The following SAMD12 variants were observed in gnomAD, a reference collection of about 807,000 sequenced individuals.
SAMD12 encodes the protein sterile alpha motif domain containing 12.
A neutral mutation model predicts 15.0 loss-of-function variants in SAMD12; 9 were observed. The ratio of observed to expected loss-of-function variants is 0.60; its 90% CI spans 0.36 to 1.05. The LOEUF is 1.05. SAMD12 is among the 50% of genes least tolerant of loss of function. The pLI is 0.01. For synonymous variants in SAMD12, 86 were observed against 90.1 expected, an observed-to-expected ratio of 0.96 and a Z score of 0.25; for missense variants, 230 against 234.2, an observed-to-expected ratio of 0.98 and a Z score of 0.12.
intron 4 of SAMD12, among the ~76,000 whole-genome samples, chr8:118,323,142 T>A (rs1364006312): frequency 6.6e-6 from 1 of 152,190 alleles, no homozygotes; most frequent in Non-Finnish European, 1.5e-5. Context: ...GAGTCCTAAA[T>A]GTGGAACAGA....
chr8:118,536,453 C>A (rs867316044), intron 2 of SAMD12, among the ~76,000 whole-genome samples: 2,240 of 150,986 alleles, frequency 0.015, 72 homozygotes, highest in African/African-American at 0.048. Flanking sequence ...AACACACACA[C>A]ACACACACAC....
At position 118,379,294 on chromosome 8, in the gene SAMD12, T is replaced by A. The variant is rs546584960; in HGVS notation, c.*123A>T. The A allele has an allele frequency of 5.5e-6, 8 of 1,458,244 alleles. No individual in the cohort carries two copies. In the African/African-American group the frequency reaches 9.9e-5, roughly 18 times the overall value. The allele number at this position is 1,458,244 out of a possible 1,614,324, so 90.3% of individuals were successfully genotyped here. Reference sequence around the variant, plus strand: ...TTCTCTGGGGTTGTGCAGTACACAATCCATACAACTGTACGTGACCACCTT... The same window carrying A: ...TTCTCTGGGGTTGTGCAGTACACAAACCATACAACTGTACGTGACCACCTT... On this transcript the variant is annotated 3_prime_UTR_variant, in exon 4 of 4. Coordinates refer to ENST00000314727, the MANE Select transcript of SAMD12 (RefSeq NM_207506.3).
At chr8:118,131,928 T>G in the SAMD12 span, among the ~76,000 whole-genome samples, 1 of 152,198 alleles carries the variant, frequency 6.6e-6, no homozygotes. Flanking sequence ...CATAGTACTG[T>G]AGAAAGTTCA....
chr8:118,269,220 C>CTG (rs71515963), intron 4 of SAMD12, among the ~76,000 whole-genome samples: 2,803 of 122,952 alleles, frequency 0.023, 47 homozygotes, highest in Middle Eastern at 0.048. Flanking sequence ...CTCTCTCTCT[C>CTG]TGTGTGTGTG....
intron 4 of SAMD12, among the ~76,000 whole-genome samples, chr8:118,272,329 C>T (rs1423269375): frequency 6.6e-6 from 1 of 152,214 alleles, no homozygotes; most frequent in Non-Finnish European, 1.5e-5. Flanking sequence ...GGTATCAAGT[C>T]TTGAGACAGC....
chr8:118,222,977 C>T (rs1812114506), intron 4 of SAMD12, among the ~76,000 whole-genome samples: 1 of 152,248 alleles, frequency 6.6e-6, no homozygotes, highest in South Asian at 2.1e-4. Context: ...TAAGTCTCCA[C>T]TTTGGGCCAG....
chr8:118,509,554 G>C (rs776332375), intron 2 of SAMD12, among the ~76,000 whole-genome samples: 3 of 152,156 alleles, frequency 2.0e-5, no homozygotes, highest in Non-Finnish European at 4.4e-5. Flanking sequence ...TTCTACTTCT[G>C]AAGTGTAGAT....
chr8:118,316,369 C>CAAAAAAAAAAAAAAAAAAAAAA (rs71307444), intron 4 of SAMD12, among the ~76,000 whole-genome samples: 1 of 114,148 alleles, frequency 8.8e-6, no homozygotes, highest in Admixed American at 9.3e-5. Flanking sequence ...CCCATGTCTA[C>CAAAAAAAAAAAAAAAAAAAAAA]AAAAAAAAAA....
chr8:118,501,998 C>CAACA (rs1824797428), intron 2 of SAMD12, among the ~76,000 whole-genome samples: 4 of 121,072 alleles, frequency 3.3e-5, no homozygotes, highest in East Asian at 2.4e-4. Flanking sequence ...CAAGCCTGGG[C>CAACA]AACAGAGCGA....
At chr8:118,133,883 C>A in the SAMD12 span, among the ~76,000 whole-genome samples, 4 of 152,284 alleles carry the variant, frequency 2.6e-5, no homozygotes, top group African/African-American at 9.6e-5. Flanking sequence ...TAGTCCCTCT[C>A]CTCTCCAAAT....
At chr8:118,234,029 A>C (rs1812374183) in intron 4 of SAMD12, among the ~76,000 whole-genome samples, 1 of 152,132 alleles carries the variant, frequency 6.6e-6, no homozygotes, top group Admixed American at 6.6e-5. Context: ...TCACTTTGGG[A>C]GTAATGTTAA....
At chr8:118,478,590 A>G (rs1824032136) in intron 2 of SAMD12, among the ~76,000 whole-genome samples, 1 of 152,230 alleles carries the variant, frequency 6.6e-6, no homozygotes, top group South Asian at 2.1e-4. Context: ...GTGGCAAGCG[A>G]GGCACAAATA....
chr8:118,565,633 G>C (rs1826826087), intron 2 of SAMD12, among the ~76,000 whole-genome samples: 1 of 152,174 alleles, frequency 6.6e-6, no homozygotes, highest in Non-Finnish European at 1.5e-5. Context: ...AGATTTACAA[G>C]TTACAGCCTA....
chr8:118,219,529 T>C (rs1812037878), intron 4 of SAMD12, among the ~76,000 whole-genome samples: 1 of 152,222 alleles, frequency 6.6e-6, no homozygotes, highest in Non-Finnish European at 1.5e-5. Context: ...GATGGGGGTC[T>C]ATTATCCCTC....
chr8:118,150,999 G>C, the SAMD12 span, among the ~76,000 whole-genome samples: 1 of 152,104 alleles, frequency 6.6e-6, no homozygotes, highest in Non-Finnish European at 1.5e-5. Flanking sequence ...GAGCCCAGGA[G>C]TCAAGTCCAG....
chr8:118,365,734 G>A (rs181986806), intron 4 of SAMD12, among the ~76,000 whole-genome samples: 2 of 152,154 alleles, frequency 1.3e-5, no homozygotes, highest in Non-Finnish European at 2.9e-5. Flanking sequence ...CCTATTGGTT[G>A]TTTCTCTCTG....
intron 2 of SAMD12, among the ~76,000 whole-genome samples, chr8:118,553,816 G>T (rs1393460897): frequency 2.4e-4 from 36 of 149,052 alleles, no homozygotes; most frequent in African/African-American, 9.1e-4. Context: ...AATCTACAAT[G>T]AACTCAAACA....
intron 4 of SAMD12, among the ~76,000 whole-genome samples, chr8:118,231,338 T>G (rs1391787273): frequency 6.6e-6 from 1 of 152,174 alleles, no homozygotes; most frequent in Non-Finnish European, 1.5e-5. Context: ...GACAGATCAC[T>G]TGGCAAGCAT....
chr8:118,149,184 C>G, the SAMD12 span, among the ~76,000 whole-genome samples: 1 of 152,214 alleles, frequency 6.6e-6, no homozygotes, highest in Non-Finnish European at 1.5e-5. Context: ...TCACTGCAAA[C>G]TTGAGCTCCC....
Sources: allele counts gnomAD v4.1 joint callset (sites outside exome capture counted in the v4.1 genomes callset), GRCh38; gene constraint gnomAD v4.1.1; transcripts MANE v1.5; gene names NCBI Gene and HGNC (gene_info 2026-07-23, HGNC 2026-07-21).